The following BLK variants were observed in gnomAD, a reference collection of about 807,000 sequenced individuals.
The protein encoded by BLK is BLK proto-oncogene, Src family tyrosine kinase, also known as tyrosine-protein kinase Blk.
A neutral mutation model predicts 61.8 loss-of-function variants in BLK; 64 were observed. The observed-to-expected ratio is 1.03, with a 90% CI of 0.85 to 1.27. The LOEUF (loss-of-function observed/expected upper bound fraction) is 1.27, where lower values mean the gene tolerates loss of function less well. Among genes scored for constraint, BLK ranks in the 50% most tolerant of loss-of-function variants. The pLI, the probability that BLK is intolerant of heterozygous loss-of-function variation, is 0.00. For missense variants in BLK, 853 were observed against 660.5 expected, an observed-to-expected ratio of 1.29 and a Z score of -3.19; for synonymous variants, 351 against 272.0, an observed-to-expected ratio of 1.29 and a Z score of -2.86.
intron 1 of BLK, among the ~76,000 whole-genome samples, chr8:11,536,514 C>A (rs925734269): frequency 6.6e-6 from 1 of 152,162 alleles, no homozygotes; most frequent in Non-Finnish European, 1.5e-5. Context: ...CCTCAACCTC[C>A]CAAGTAGCTG....
At chr8:11,545,792 T>G (rs533018256) in intron 2 of BLK, 2 of 516,850 alleles carry the variant, frequency 3.9e-6, no homozygotes, top group Non-Finnish European at 7.0e-6. Context: ...TTTCCCTCAT[T>G]GTCCACAGCT....
chr8:11,502,485 G>A (rs1798600833), intron 1 of BLK, among the ~76,000 whole-genome samples: 1 of 152,002 alleles, frequency 6.6e-6, no homozygotes, highest in Non-Finnish European at 1.5e-5. Context: ...TGTATTTTAA[G>A]TAGAGTTAGC....
chr8:11,494,924 C>T (rs1053662948), intron 1 of BLK, among the ~76,000 whole-genome samples: 4 of 152,326 alleles, frequency 2.6e-5, no homozygotes, highest in South Asian at 4.1e-4. Flanking sequence ...GCTGCGCTCC[C>T]GGCGAGTCAC....
chr8:11,501,140 T>C (rs947267131), intron 1 of BLK, among the ~76,000 whole-genome samples: 3 of 151,902 alleles, frequency 2.0e-5, no homozygotes, highest in Non-Finnish European at 4.4e-5. Flanking sequence ...ACCCAGGAGA[T>C]CTCAGCAGTG....
At chr8:11,558,822 TAC>T (rs1276568935) in intron 10 of BLK, 7 of 455,054 alleles carry the variant, frequency 1.5e-5, no homozygotes, top group Non-Finnish European at 2.6e-5. Context: ...TGCGTACACA[TAC>T]ACACACACAT....
intron 11 of BLK, among the ~76,000 whole-genome samples, chr8:11,562,098 T>C (rs1801525368): frequency 1.3e-5 from 2 of 152,158 alleles, no homozygotes; most frequent in African/African-American, 4.8e-5. Context: ...GGATGACAGG[T>C]GTAAGCCATG....
In BLK at chr8:11,561,334, G is replaced by T; in HGVS notation, c.1062G>T (p.Met354Ile). Residue 354 changes from methionine (M) to isoleucine (I), a missense_variant, in exon 11 of 13, where the codon ATG (methionine) becomes ATT (isoleucine). Coordinates refer to ENST00000259089, the MANE Select transcript of BLK (RefSeq NM_001715.3). ...IAEGMAYIER[M>I]NSIHRDLRAA... ...AAGGGATGGCATACATTGAGCGCAT[G>T]AATTCCATCCACCGCGACCTGCGGG... is the stretch of plus-strand genomic sequence containing the variant. 1 of 1,614,014 alleles carries T rather than the reference G, an allele frequency of 6.2e-7. No homozygotes were observed. Among genetic ancestry groups the T allele is most frequent in the African/African-American group, 1.3e-5 (1 of 75,062 alleles).
At chr8:11,560,852 C>G (rs1291918260) in intron 10 of BLK, 2 of 460,192 alleles carry the variant, frequency 4.3e-6, no homozygotes, top group African/African-American at 2.0e-5. Flanking sequence ...AAGCAGCTTG[C>G]TAGAGGTCAG....
At chr8:11,508,629 G>C (rs552625867) in intron 1 of BLK, among the ~76,000 whole-genome samples, 1 of 152,350 alleles carries the variant, frequency 6.6e-6, no homozygotes, top group African/African-American at 2.4e-5. Context: ...CTCTGCCTTC[G>C]GGTCTCCTGG....
chr8:11,547,356 C>T (rs1028315513), intron 3 of BLK, among the ~76,000 whole-genome samples: 4 of 152,234 alleles, frequency 2.6e-5, no homozygotes, highest in African/African-American at 9.6e-5. Context: ...AAGTGCTCTC[C>T]AGGTGACCTT....
intron 1 of BLK, among the ~76,000 whole-genome samples, chr8:11,537,581 G>C (rs1345775498): frequency 2.0e-5 from 3 of 152,294 alleles, no homozygotes; most frequent in Admixed American, 1.3e-4. Context: ...CACCTGTTTT[G>C]TGCAGAGGGC....
chr8:11,553,537 G>C (rs929121020), intron 6 of BLK: 3 of 239,430 alleles, frequency 1.3e-5, no homozygotes, highest in Non-Finnish European at 2.6e-5. Flanking sequence ...CGTGGAGAGC[G>C]GGCTCCTGGG....
At chr8:11,556,989 A>AGGGGGGGG in intron 9 of BLK, 152 bp downstream of exon 9, 1 of 258,336 alleles carries the variant, frequency 3.9e-6, no homozygotes, top group Admixed American at 4.8e-5. Context: ...GGATGGAGGG[A>AGGGGGGGG]GGGGGAGGGA....
chr8:11,549,044 C>T lies in BLK; in HGVS notation c.290C>T (p.Ala97Val), dbSNP rs147632595. The T allele has an allele frequency of 6.2e-7, 1 of 1,610,070 alleles. No homozygotes were observed. Among genetic ancestry groups the T allele is most frequent in the Non-Finnish European group, 8.5e-7 (1 of 1,178,450 alleles). ...VLKGTGDWWLARSLVTGREGY... is the reference protein window; with the variant it reads ...VLKGTGDWWLVRSLVTGREGY... ...ATTAGAACTGGAGACTGGTGGCTGG[C>T]CAGGTCACTCGTCACAGGAAGAGAA... Residue 97 changes from alanine (A) to valine (V), a missense_variant, in exon 5 of 13, where the codon GCC becomes GTC. Ala to Val is a moderately conservative substitution (Grantham distance 64). Transcript: ENST00000259089.
intron 12 of BLK, 34 bp downstream of exon 12, chr8:11,563,144 G>C: frequency 1.2e-6 from 2 of 1,613,046 alleles, no homozygotes; most frequent in Non-Finnish European, 1.7e-6. Flanking sequence ...GCGGCTCCCT[G>C]CTTTCCCGGC....
intron 1 of BLK, among the ~76,000 whole-genome samples, chr8:11,521,864 A>C (rs1799465636): frequency 1.3e-5 from 2 of 152,002 alleles, no homozygotes; most frequent in African/African-American, 4.8e-5. Context: ...ACTCCTCTCT[A>C]TCTTGGTTTT....
chr8:11,535,784 A>G (rs1489225250), intron 1 of BLK, among the ~76,000 whole-genome samples: 10 of 152,222 alleles, frequency 6.6e-5, no homozygotes, highest in South Asian at 6.2e-4. Flanking sequence ...CCTCGACAGC[A>G]TCTCTACCAA....
chr8:11,524,766 G>A (rs956499190), intron 1 of BLK, among the ~76,000 whole-genome samples: 4 of 152,112 alleles, frequency 2.6e-5, no homozygotes, highest in Non-Finnish European at 5.9e-5. Flanking sequence ...AAATGACAAC[G>A]GTTCATTAAA....
chr8:11,545,886 G>T (rs1288575564), intron 2 of BLK, 166 bp from the exon 3 acceptor site: 3 of 780,566 alleles, frequency 3.8e-6, no homozygotes, highest in Non-Finnish European at 6.8e-6. Flanking sequence ...GGTAGTGCTG[G>T]TCCCTGGGTA....
Sources: gnomAD v4.1 joint callset for allele counts (sites outside exome capture counted in the v4.1 genomes callset) on GRCh38, gnomAD v4.1.1 for gene constraint, MANE v1.5 for transcripts, NCBI Gene and HGNC (gene_info 2026-07-23, HGNC 2026-07-21) for gene names.